The following NEMP2 variants were observed in gnomAD, a reference collection of about 807,000 sequenced individuals.
NEMP2 encodes the protein UPF0571 transmembrane protein.
NEMP2 carries 53 observed loss-of-function variants against 54.2 expected under a neutral mutation model. That is an observed-to-expected ratio of 0.98 (90% CI 0.78 to 1.23). NEMP2 has a LOEUF of 1.23. Among genes scored for constraint, NEMP2 ranks in the 50% most tolerant of loss-of-function variants. The pLI is 0.00. For synonymous variants in NEMP2, 197 were observed against 190.3 expected (o/e 1.04, Z -0.29); for missense variants, 455 against 511.3 (o/e 0.89, Z 1.06).
chr2:190,476,953 G>A, the NEMP2 span, among the ~76,000 whole-genome samples: 1 of 148,818 alleles, frequency 6.7e-6, no homozygotes, highest in East Asian at 2.0e-4. Context: ...CTATTGTAAG[G>A]ACAAAAAACC....
the NEMP2 span, among the ~76,000 whole-genome samples, chr2:190,422,014 A>G: frequency 4.6e-5 from 7 of 152,200 alleles, no homozygotes; most frequent in African/African-American, 1.4e-4. Flanking sequence ...TGTAGCTATA[A>G]GGCAATTTTG....
the NEMP2 span, among the ~76,000 whole-genome samples, chr2:190,582,489 A>G: frequency 1.3e-5 from 2 of 152,294 alleles, no homozygotes; most frequent in Admixed American, 1.3e-4. This position sits in a 1 kb window ranked among gnomAD's most constrained non-coding sequence, Gnocchi z 4.6. Flanking sequence ...TATCAATTAA[A>G]CTATGATGTA....
In NEMP2 at chr2:190,519,141, C is replaced by T. The variant is rs370283521; in HGVS notation, c.256G>A (p.Ala86Thr). The change falls in exon 3 of 9, where the codon GCA (alanine) becomes ACA (threonine). Residue 86 changes from alanine (A) to threonine (T), a missense_variant. Coordinates refer to ENST00000409150, the MANE Select transcript of NEMP2 (RefSeq NM_001142645.2). The surrounding 1 kb of genome is among the most constrained non-coding windows in gnomAD (Gnocchi z 5.4). ...GGATATTGGCAATTATGTCTTTCTG[C>T]GATATATACAATTCTGAACAGGCCT... is the stretch of plus-strand genomic sequence containing the variant. ...SPGLFRIVYI[A>T]ERHNCQYPEN... The T allele has an allele frequency of 4.4e-5, 68 of 1,550,374 alleles. No homozygotes were observed. The highest frequency in any genetic ancestry group is 1.9e-4 in the South Asian group (16 of 84,042).
At chr2:190,584,944 AAAGAAAGAAAGAAAG>A in the NEMP2 span, among the ~76,000 whole-genome samples, 1 of 148,302 alleles carries the variant, frequency 6.7e-6, no homozygotes, top group Non-Finnish European at 1.5e-5. This position sits in a 1 kb window ranked among gnomAD's most constrained non-coding sequence, Gnocchi z 4.2. Flanking sequence ...AGAAAGAAAG[AAAGAAAGAAAGAAAG>A]AAAGAGACAT....
chr2:190,565,728 C>A, the NEMP2 span, among the ~76,000 whole-genome samples: 1 of 152,274 alleles, frequency 6.6e-6, no homozygotes, highest in African/African-American at 2.4e-5. Flanking sequence ...GAAGTCCCAA[C>A]ACAGAGAACC....
chr2:190,545,379 A>C, the NEMP2 span, among the ~76,000 whole-genome samples: 1 of 152,164 alleles, frequency 6.6e-6, no homozygotes, highest in Non-Finnish European at 1.5e-5. Context: ...CACTGGGGTA[A>C]TTTCTTTTAA....
chr2:190,532,490 C>T (rs1009249421), intron 1 of NEMP2, among the ~76,000 whole-genome samples: 10 of 152,198 alleles, frequency 6.6e-5, no homozygotes, highest in African/African-American at 2.4e-4. Flanking sequence ...CTAGGGACCT[C>T]ACTAACTGGG....
the NEMP2 span, among the ~76,000 whole-genome samples, chr2:190,453,330 G>A: frequency 2.0e-5 from 3 of 152,066 alleles, no homozygotes; most frequent in African/African-American, 7.2e-5. Context: ...TGGAACTTGT[G>A]GAATTTCTAT....
the NEMP2 span, among the ~76,000 whole-genome samples, chr2:190,484,351 A>G: frequency 0.24 from 36,986 of 152,240 alleles, 5,269 homozygotes; most frequent in South Asian, 0.34. Context: ...TGCTTATTTC[A>G]TCACATAAAG....
chr2:190,457,337 A>T, the NEMP2 span, among the ~76,000 whole-genome samples: 1 of 151,978 alleles, frequency 6.6e-6, no homozygotes, highest in Non-Finnish European at 1.5e-5. The surrounding 1 kb of genome is among the most constrained non-coding windows in gnomAD (Gnocchi z 5.1). Flanking sequence ...GACTCTAATG[A>T]TCTAACTTTC....
At chr2:190,472,555 C>T in the NEMP2 span, among the ~76,000 whole-genome samples, 88 of 152,194 alleles carry the variant, frequency 5.8e-4, no homozygotes, top group South Asian at 0.015. Flanking sequence ...TAAAAAGAAA[C>T]GAACAAAGCC....
Position 190,531,048 on chromosome 2 carries a change from TAAAC to T in NEMP2, c.97+3507_97+3510del, listed in dbSNP as rs1441946763. ...ATCATAATTCAGTCTCAAAAATAAA[TAAAC>T]ATTTAAAAATTAGAACAAAAACAAC... is the stretch of plus-strand genomic sequence containing the variant. On this transcript the variant is annotated intron_variant, in intron 1 of 8. Transcript: ENST00000409150. The surrounding 1 kb of genome is among the most constrained non-coding windows in gnomAD (Gnocchi z 4.7). Among the ~76,000 whole-genome samples, 2 of 152,044 alleles carry T rather than the reference TAAAC, an allele frequency of 1.3e-5. No individual in the cohort carries two copies. The highest frequency in any genetic ancestry group is 2.1e-4 in the South Asian group (1 of 4,826).
chr2:190,592,415 C>A, the NEMP2 span, among the ~76,000 whole-genome samples: 1 of 152,130 alleles, frequency 6.6e-6, no homozygotes, highest in East Asian at 1.9e-4. The surrounding 1 kb of genome is among the most constrained non-coding windows in gnomAD (Gnocchi z 4.4). Context: ...GGAATAATCA[C>A]CTGATTGCTC....
At chr2:190,438,194 C>T in the NEMP2 span, among the ~76,000 whole-genome samples, 1 of 134,142 alleles carries the variant, frequency 7.5e-6, no homozygotes, top group Non-Finnish European at 1.6e-5. This position sits in a 1 kb window ranked among gnomAD's most constrained non-coding sequence, Gnocchi z 5.2. Context: ...CCTAAAATTT[C>T]CCATGTAATT....
chr2:190,457,822 C>T, the NEMP2 span, among the ~76,000 whole-genome samples: 1 of 152,184 alleles, frequency 6.6e-6, no homozygotes, highest in Non-Finnish European at 1.5e-5. The surrounding 1 kb of genome is among the most constrained non-coding windows in gnomAD (Gnocchi z 5.1). Flanking sequence ...CCCTGGATGC[C>T]ACCACCTTGG....
chr2:190,572,833 G>GTATATATATATATATATATA, the NEMP2 span, among the ~76,000 whole-genome samples: 1 of 47,862 alleles, frequency 2.1e-5, no homozygotes, highest in African/African-American at 8.6e-5. Context: ...CTTTTCATGA[G>GTATATATATATATATATATA]TATATATATA....
intron 6 of NEMP2, 111 bp downstream of exon 6, chr2:190,516,159 G>A (rs1690547712): frequency 1.4e-6 from 1 of 706,004 alleles, no homozygotes. Flanking sequence ...CCTTTCGTTA[G>A]TTCAAAATGA....
the NEMP2 span, among the ~76,000 whole-genome samples, chr2:190,579,219 A>T: frequency 6.6e-6 from 1 of 152,080 alleles, no homozygotes; most frequent in South Asian, 2.1e-4. Context: ...AAGAAAGAAA[A>T]CATCAGCTAG....
chr2:190,514,775 A>C lies in NEMP2; in HGVS notation c.728-97T>G. On this transcript the variant is annotated intron_variant, in intron 6 of 8. Coordinates refer to ENST00000409150, the MANE Select transcript of NEMP2 (RefSeq NM_001142645.2). This position sits in a 1 kb window ranked among gnomAD's most constrained non-coding sequence, Gnocchi z 5.7. ...TTGACTTAAAGGTAAAAACTATTAG[A>C]GAACCTTAATTTTTGTGTTTTTTAC... 1 of 1,188,928 alleles carries C rather than the reference A, an allele frequency of 8.4e-7. No homozygotes were observed. Among genetic ancestry groups the C allele is most frequent in the South Asian group, 1.5e-5 (1 of 66,800 alleles). 73.6% of individuals were successfully genotyped at this position (1,188,928 alleles called of 1,614,324 possible). A position where few individuals can be genotyped will look rare whatever the true frequency, so the allele number is the denominator to read the frequency against.
Sources: allele counts gnomAD v4.1 joint callset (sites outside exome capture counted in the v4.1 genomes callset), GRCh38; gene constraint gnomAD v4.1.1; non-coding constraint Gnocchi (gnomAD v3.1); transcripts MANE v1.5; gene names NCBI Gene and HGNC (gene_info 2026-07-23, HGNC 2026-07-21).